The following GNA14 variants were observed in gnomAD, a reference collection of about 807,000 sequenced individuals.
GNA14 encodes the protein G protein subunit alpha 14, also known as guanine nucleotide-binding protein subunit alpha-14.
Under a neutral mutation model 42.0 loss-of-function variants are expected in GNA14, and 50 were observed. The observed-to-expected ratio is 1.19, with a 90% CI of 0.95 to 1.51. The LOEUF is 1.51. Ranked by LOEUF, GNA14 falls within the 40% of genes most tolerant of loss-of-function variation. The pLI is 0.00. For missense variants in GNA14, 473 were observed against 446.2 expected, an observed-to-expected ratio of 1.06 and a Z score of -0.54; for synonymous variants, 173 against 163.1, an observed-to-expected ratio of 1.06 and a Z score of -0.46.
intron 2 of GNA14, among the ~76,000 whole-genome samples, chr9:77,453,057 G>A (rs377582183): frequency 1.8e-4 from 28 of 152,248 alleles, no homozygotes; most frequent in South Asian, 1.0e-3. Flanking sequence ...GGAGGATGGC[G>A]TCAGCCCAAG....
intron 1 of GNA14, among the ~76,000 whole-genome samples, chr9:77,575,989 C>T (rs1240143094): frequency 6.6e-6 from 1 of 152,210 alleles, no homozygotes. Context: ...ACCGCTGGTG[C>T]TATCCATGGT....
chr9:77,633,334 C>A (rs1824128542), intron 1 of GNA14, among the ~76,000 whole-genome samples: 1 of 152,012 alleles, frequency 6.6e-6, no homozygotes, highest in East Asian at 1.9e-4. Flanking sequence ...TGTAGGCAGA[C>A]AGATTGGCAT....
At chr9:77,496,972 T>C (rs1836881289) in intron 2 of GNA14, among the ~76,000 whole-genome samples, 1 of 151,992 alleles carries the variant, frequency 6.6e-6, no homozygotes, top group Non-Finnish European at 1.5e-5. Context: ...ACATAGAAGT[T>C]TCCTCCACCA....
intron 2 of GNA14, among the ~76,000 whole-genome samples, chr9:77,509,388 G>A (rs937417281): frequency 6.6e-6 from 1 of 152,168 alleles, no homozygotes; most frequent in African/African-American, 2.4e-5. Flanking sequence ...TTTGGCTATT[G>A]TGAATAATGT....
At chr9:77,589,039 T>C (rs755860106) in intron 1 of GNA14, among the ~76,000 whole-genome samples, 1 of 152,256 alleles carries the variant, frequency 6.6e-6, no homozygotes, top group Non-Finnish European at 1.5e-5. Context: ...TTTATTTATA[T>C]TCCATTTCAT....
At chr9:77,622,164 G>A (rs1313588963) in intron 1 of GNA14, among the ~76,000 whole-genome samples, 2 of 152,182 alleles carry the variant, frequency 1.3e-5, no homozygotes, top group South Asian at 2.1e-4. Context: ...AGACTGATGA[G>A]TTTGAATACA....
chr9:77,469,962 G>T (rs760541968), intron 2 of GNA14, among the ~76,000 whole-genome samples: 9 of 152,180 alleles, frequency 5.9e-5, no homozygotes, highest in Admixed American at 6.5e-5. Context: ...CTGTACCTTG[G>T]TATGTTTGGA....
At chr9:77,634,995 C>T (rs1434836581) in intron 1 of GNA14, among the ~76,000 whole-genome samples, 1 of 152,126 alleles carries the variant, frequency 6.6e-6, no homozygotes, top group Non-Finnish European at 1.5e-5. Flanking sequence ...TTGGAGTTCC[C>T]ACACACGTTT....
intron 1 of GNA14, among the ~76,000 whole-genome samples, chr9:77,644,437 CA>C (rs764737417): frequency 0.21 from 6,997 of 33,896 alleles, 102 homozygotes; most frequent in Non-Finnish European, 0.26. Flanking sequence ...TAAAGAGTGT[CA>C]AAAAAAAAAA....
chr9:77,498,393 A>AAAAAG (rs1564032338), intron 2 of GNA14, among the ~76,000 whole-genome samples: 12 of 150,420 alleles, frequency 8.0e-5, no homozygotes, highest in South Asian at 2.1e-4. Context: ...AAAAAAGAAA[A>AAAAAG]AAAAGAAAAA....
intron 2 of GNA14, among the ~76,000 whole-genome samples, chr9:77,495,880 G>A (rs989090688): frequency 6.6e-6 from 1 of 152,134 alleles, no homozygotes; most frequent in South Asian, 2.1e-4. Context: ...AAGGCTACTT[G>A]CTCTATTAAA....
chr9:77,482,421 ATC>A lies in GNA14; in HGVS notation c.309+46646_309+46647del, dbSNP rs1160934833. The stretch of plus-strand genomic sequence containing the variant: ...TGGCTTGTAGAGTTTCTGTCGAGAG[ATC>A]TCTCTTAGTCTGATGGGCTTCCCTT... On this transcript the variant is annotated intron_variant, in intron 2 of 6. Coordinates refer to ENST00000341700, the MANE Select transcript of GNA14 (RefSeq NM_004297.4). Among the ~76,000 whole-genome samples, 6 of 152,024 alleles carry A rather than the reference ATC, an allele frequency of 3.9e-5. No homozygotes were observed. The East Asian group carries it at 7.8e-4, about 20-fold the overall frequency.
intron 3 of GNA14, among the ~76,000 whole-genome samples, chr9:77,433,199 G>A (rs997607239): frequency 3.9e-5 from 6 of 152,166 alleles, no homozygotes; most frequent in Non-Finnish European, 4.4e-5. Flanking sequence ...CCAAAGGGAA[G>A]GAGGTACGTC....
At chr9:77,624,195 C>A (rs369602812) in intron 1 of GNA14, among the ~76,000 whole-genome samples, 2 of 152,186 alleles carry the variant, frequency 1.3e-5, no homozygotes, top group Admixed American at 6.5e-5. Context: ...ACTGCAAAGC[C>A]GCTGTGGCCA....
intron 2 of GNA14, among the ~76,000 whole-genome samples, chr9:77,517,260 G>A (rs1837272189): frequency 6.6e-6 from 1 of 152,154 alleles, no homozygotes; most frequent in Admixed American, 6.5e-5. Flanking sequence ...TGCAGGAGAT[G>A]CGGATGCCCA....
intron 1 of GNA14, among the ~76,000 whole-genome samples, chr9:77,586,759 AC>A (rs1222668627): frequency 3.9e-5 from 6 of 151,972 alleles, no homozygotes; most frequent in Non-Finnish European, 7.4e-5. Context: ...CCCCACCCTA[AC>A]CTTTTATTAT....
chr9:77,596,064 G>C (rs536704502), intron 1 of GNA14, among the ~76,000 whole-genome samples: 15 of 151,902 alleles, frequency 9.9e-5, no homozygotes, highest in Non-Finnish European at 1.9e-4. Flanking sequence ...AGTGCACTGC[G>C]TATAAAAAAC....
intron 2 of GNA14, among the ~76,000 whole-genome samples, chr9:77,473,320 G>C (rs1190042105): frequency 2.0e-5 from 3 of 152,120 alleles, no homozygotes; most frequent in Non-Finnish European, 4.4e-5. Context: ...AGCTGGGTGT[G>C]GTGGTGTGCC....
chr9:77,435,786 C>T (rs563278364), intron 2 of GNA14, among the ~76,000 whole-genome samples: 1 of 152,278 alleles, frequency 6.6e-6, no homozygotes, highest in South Asian at 2.1e-4. Context: ...GCAGCCACAA[C>T]ATTTCCCCGT....
Sources: allele counts gnomAD v4.1 joint callset (sites outside exome capture counted in the v4.1 genomes callset), GRCh38; gene constraint gnomAD v4.1.1; transcripts MANE v1.5; gene names NCBI Gene and HGNC (gene_info 2026-07-23, HGNC 2026-07-21).